AKIRIN1: variants seen among roughly 807,000 people sequenced by gnomAD.
AKIRIN1 encodes akirin 1, also known as akirin-1.
Under a neutral mutation model 25.9 loss-of-function variants are expected in AKIRIN1, and 4 were observed. The ratio of observed to expected loss-of-function variants is 0.15; its 90% CI spans 0.08 to 0.35. AKIRIN1 has a LOEUF of 0.35. AKIRIN1 is among the 10% of genes least tolerant of loss of function. AKIRIN1 has a pLI of 1.00. For synonymous variants in AKIRIN1, 125 were observed against 105.1 expected, an observed-to-expected ratio of 1.19 and a Z score of -1.16; for missense variants, 243 against 266.1, an observed-to-expected ratio of 0.91 and a Z score of 0.61.
intron 3 of AKIRIN1, among the ~76,000 whole-genome samples, chr1:39,002,787 C>G (rs1170642294): frequency 6.6e-6 from 1 of 152,036 alleles, no homozygotes; most frequent in Non-Finnish European, 1.5e-5. Flanking sequence ...CACCATAATA[C>G]TGTTTCAGTC....
intron 2 of AKIRIN1, among the ~76,000 whole-genome samples, chr1:38,999,727 GT>G (rs201054048): frequency 6.6e-6 from 1 of 152,206 alleles, no homozygotes; most frequent in East Asian, 1.9e-4. Context: ...CCTTGAGTTA[GT>G]TTAAGCAAAA....
rs1188709025 is a variant in AKIRIN1, at chr1:39,004,093, AGAGATGG to A, written c.*39_*45del. ...TATCTGGGTACCAGGTTTGACCTCA[AGAGATGG>A]CTGCTGTACACTTTTTGCAACTGGT... On this transcript the variant is annotated 3_prime_UTR_variant, in exon 5 of 5. Coordinates refer to ENST00000432648, the MANE Select transcript of AKIRIN1 (RefSeq NM_024595.3). 6.2e-7 allele frequency: 1 copy of A among 1,602,170 alleles called. No individual in the cohort carries two copies. Among genetic ancestry groups the A allele is most frequent in the Admixed American group, 1.7e-5 (1 of 60,008 alleles).
chr1:38,994,864 A>G (rs188419427), intron 1 of AKIRIN1, among the ~76,000 whole-genome samples: 1 of 151,422 alleles, frequency 6.6e-6, no homozygotes, highest in East Asian at 1.9e-4. Flanking sequence ...TAATTTTTGT[A>G]TTTTTAGTGG....
intron 2 of AKIRIN1, among the ~76,000 whole-genome samples, chr1:39,000,008 G>T (rs565161980): frequency 6.6e-6 from 1 of 151,850 alleles, no homozygotes; most frequent in Non-Finnish European, 1.5e-5. Flanking sequence ...TCAGCCTCCC[G>T]AGTAGCTGGG....
chr1:38,992,305 G>C (rs1643912453), intron 1 of AKIRIN1, among the ~76,000 whole-genome samples: 1 of 152,154 alleles, frequency 6.6e-6, no homozygotes, highest in African/African-American at 2.4e-5. Flanking sequence ...CTTCAGTAAG[G>C]CGTTCCACTT....
At chr1:39,003,932 G>T in intron 4 of AKIRIN1, 113 bp from the exon 5 acceptor site, 2 of 847,806 alleles carry the variant, frequency 2.4e-6, no homozygotes, top group Non-Finnish European at 3.8e-6. Context: ...CTTTTAAGTG[G>T]TGAGTCATCG....
chr1:38,992,573 C>G (rs575594301), intron 1 of AKIRIN1, among the ~76,000 whole-genome samples: 21 of 152,276 alleles, frequency 1.4e-4, no homozygotes, highest in African/African-American at 4.1e-4. Flanking sequence ...TTCCTCCTTC[C>G]TCTGCATATC....
chr1:38,999,012 CAG>C (rs1319897920), intron 2 of AKIRIN1, among the ~76,000 whole-genome samples: 2 of 152,048 alleles, frequency 1.3e-5, no homozygotes, highest in African/African-American at 2.4e-5. Context: ...CTCTGTTCAA[CAG>C]GGGCTGCTCA....
In AKIRIN1 at chr1:39,006,049, T is replaced by A. The variant is rs1644032162; in HGVS notation, c.*1994T>A. 6.6e-6 allele frequency: 1 copy of A among 151,834 alleles called. No homozygotes were observed. Among genetic ancestry groups the A allele is most frequent in the East Asian group, 1.9e-4 (1 of 5,168 alleles). 9.4% of individuals were successfully genotyped at this position (151,834 alleles called of 1,614,324 possible). ...TTTTTTTTAATAATTAAAGAATGAT[T>A]TTACTTTGTATTTGAAGGGTGATTT... On this transcript the variant is annotated 3_prime_UTR_variant, in exon 5 of 5. Transcript: ENST00000432648.
intron 2 of AKIRIN1, among the ~76,000 whole-genome samples, chr1:38,998,651 C>T (rs1280375678): frequency 6.6e-6 from 1 of 152,010 alleles, no homozygotes; most frequent in Non-Finnish European, 1.5e-5. Context: ...TGCCTGTAAT[C>T]CTAGCACTTT....
chr1:39,004,168 T>G lies in AKIRIN1; in HGVS notation c.*113T>G. 1 of 1,203,292 alleles carries G rather than the reference T, an allele frequency of 8.3e-7. No homozygotes were observed. Among genetic ancestry groups the G allele is most frequent in the Non-Finnish European group, 1.2e-6 (1 of 806,558 alleles). The allele number at this position is 1,203,292 out of a possible 1,614,324, so 74.5% of individuals were successfully genotyped here. A position where few individuals can be genotyped will look rare whatever the true frequency, so the allele number is the denominator to read the frequency against. On this transcript the variant is annotated 3_prime_UTR_variant, in exon 5 of 5. Coordinates refer to ENST00000432648, the MANE Select transcript of AKIRIN1 (RefSeq NM_024595.3). Reference sequence around the variant, plus strand: ...CTCCAACTTTGCATCCTGAGAACACTTAAACGTTTCTGCAGGTCCATTTTA... The same window carrying G: ...CTCCAACTTTGCATCCTGAGAACACGTAAACGTTTCTGCAGGTCCATTTTA...
intron 1 of AKIRIN1, among the ~76,000 whole-genome samples, chr1:38,994,460 T>C (rs565856733): frequency 6.6e-6 from 1 of 152,288 alleles, no homozygotes; most frequent in South Asian, 2.1e-4. Context: ...GATTATGACT[T>C]GAGAGTCTGA....
chr1:38,999,652 A>C (rs1380580651), intron 2 of AKIRIN1, among the ~76,000 whole-genome samples: 4 of 152,026 alleles, frequency 2.6e-5, no homozygotes, highest in African/African-American at 9.7e-5. Context: ...ATGGTTAACA[A>C]AACAGTTACA....
chr1:38,999,336 T>C (rs1159954780), intron 2 of AKIRIN1, among the ~76,000 whole-genome samples: 4 of 152,194 alleles, frequency 2.6e-5, no homozygotes, highest in Non-Finnish European at 2.9e-5. Context: ...TGAGGAGATA[T>C]TGCTTGATGG....
chr1:38,992,332 C>CT (rs1157699163), intron 1 of AKIRIN1, among the ~76,000 whole-genome samples: 1 of 152,170 alleles, frequency 6.6e-6, no homozygotes. Flanking sequence ...AGGAAAAGGA[C>CT]TGGCGTTACA....
chr1:39,003,965 C>T (rs1423864969), intron 4 of AKIRIN1, 80 bp from the exon 5 acceptor site: 4 of 1,243,260 alleles, frequency 3.2e-6, no homozygotes, highest in Non-Finnish European at 4.7e-6. Context: ...CTCACATTTA[C>T]TGTTAGTGAA....
intron 3 of AKIRIN1, among the ~76,000 whole-genome samples, chr1:39,001,467 T>C (rs1395088419): frequency 1.3e-5 from 2 of 151,946 alleles, no homozygotes; most frequent in Non-Finnish European, 1.5e-5. Flanking sequence ...GGCTTCTCCA[T>C]GTTTGTCAGG....
rs796678064 is a variant in AKIRIN1, at chr1:38,995,018, A to G, written c.221-3153A>G. Among the ~76,000 whole-genome samples, 19 of 151,898 alleles carry G rather than the reference A, an allele frequency of 1.3e-4. 1 individual carries two copies. The highest frequency in any genetic ancestry group is 4.6e-4 in the African/African-American group (19 of 41,408). On this transcript the variant is annotated intron_variant, in intron 1 of 4. Transcript: ENST00000432648. ...TAATTTTTGTATTTTTTTTGTCAAG[A>G]CAGGGTTTCACTGTATTGGCCAAGC...
Position 39,005,504 on chromosome 1 carries a change from T to C in AKIRIN1, c.*1449T>C, listed in dbSNP as rs1367591814. ...GTTTTGAGGAGGTGGAAGTTAAGTA[T>C]ACATTTATTTTTTACTGTGACTTGT... is the stretch of plus-strand genomic sequence containing the variant. On this transcript the variant is annotated 3_prime_UTR_variant, in exon 5 of 5. Coordinates refer to ENST00000432648, the MANE Select transcript of AKIRIN1 (RefSeq NM_024595.3). 6.6e-6 allele frequency: 1 copy of C among 152,182 alleles called. No homozygotes were observed. Among genetic ancestry groups the C allele is most frequent in the Non-Finnish European group, 1.5e-5 (1 of 68,038 alleles). 9.4% of individuals were successfully genotyped at this position (152,182 alleles called of 1,614,324 possible).
Sources: allele counts gnomAD v4.1 joint callset (sites outside exome capture counted in the v4.1 genomes callset), GRCh38; gene constraint gnomAD v4.1.1; transcripts MANE v1.5; gene names NCBI Gene and HGNC (gene_info 2026-07-23, HGNC 2026-07-21).